The following MTUS2 variants were observed in gnomAD, a reference collection of about 807,000 sequenced individuals.
The protein encoded by MTUS2 is microtubule-associated tumor suppressor candidate 2.
In MTUS2, 40 loss-of-function variants were observed where a neutral mutation model predicts 114.1. The ratio of observed to expected loss-of-function variants is 0.35; its 90% confidence interval spans 0.27 to 0.46. The LOEUF (loss-of-function observed/expected upper bound fraction) is 0.46, where lower values mean the gene tolerates loss of function less well. MTUS2 is among the 20% of genes least tolerant of loss of function. The pLI, the probability that MTUS2 is intolerant of heterozygous loss-of-function variation, is 1.00. For synonymous variants in MTUS2, 688 were observed against 672.0 expected, an observed-to-expected ratio of 1.02 and a Z score of -0.37; for missense variants, 1,679 against 1,705.4, an observed-to-expected ratio of 0.98 and a Z score of 0.27.
At chr13:29,122,474 T>A (rs997604229) in intron 5 of MTUS2, among the ~76,000 whole-genome samples, 7 of 152,062 alleles carry the variant, frequency 4.6e-5, no homozygotes, top group African/African-American at 1.7e-4. Context: ...AACCATCAGA[T>A]CTCGTGAGAA....
At chr13:28,876,471 C>G (rs985823075) in intron 2 of MTUS2, among the ~76,000 whole-genome samples, 1 of 152,212 alleles carries the variant, frequency 6.6e-6, no homozygotes, top group African/African-American at 2.4e-5. Context: ...CTCTTCTCCA[C>G]ATCCCCAAGC....
intron 2 of MTUS2, among the ~76,000 whole-genome samples, chr13:28,845,120 G>C (rs541340499): frequency 1.3e-5 from 2 of 148,656 alleles, no homozygotes; most frequent in Non-Finnish European, 3.0e-5. Context: ...GGCCTGGCCA[G>C]TTTTTTTTTT....
chr13:29,488,834 G>A (rs146338289), intron 11 of MTUS2, among the ~76,000 whole-genome samples: 5 of 152,268 alleles, frequency 3.3e-5, no homozygotes, highest in African/African-American at 9.6e-5. Flanking sequence ...TGGGTTTTAC[G>A]TGGGTCATAA....
chr13:29,044,438 G>C (rs78599199), intron 4 of MTUS2, among the ~76,000 whole-genome samples: 1 of 152,082 alleles, frequency 6.6e-6, no homozygotes, highest in East Asian at 1.9e-4. Context: ...TTTTGTGCTT[G>C]AAGTTTGTTG....
At chr13:29,276,827 G>T (rs1898081240) in intron 5 of MTUS2, among the ~76,000 whole-genome samples, 1 of 152,146 alleles carries the variant, frequency 6.6e-6, no homozygotes, top group Non-Finnish European at 1.5e-5. Flanking sequence ...GAACTCAGGA[G>T]GCAGAGGTTG....
chr13:29,315,344 A>G (rs1899942444), intron 6 of MTUS2, among the ~76,000 whole-genome samples: 1 of 152,178 alleles, frequency 6.6e-6, no homozygotes, highest in Non-Finnish European at 1.5e-5. Flanking sequence ...CAAAGAAATG[A>G]TCTATGTGTG....
intron 8 of MTUS2, among the ~76,000 whole-genome samples, chr13:29,434,389 G>T (rs573035191): frequency 3.9e-5 from 6 of 152,294 alleles, no homozygotes; most frequent in African/African-American, 1.4e-4. Context: ...AGACAGCCTT[G>T]CCCTGCTGGG....
At chr13:29,052,840 G>A (rs938906242) in intron 4 of MTUS2, among the ~76,000 whole-genome samples, 5 of 152,120 alleles carry the variant, frequency 3.3e-5, no homozygotes, top group East Asian at 3.9e-4. Context: ...ATGTGTTGTG[G>A]GGAGGGACCA....
Position 29,423,903 on chromosome 13 carries a change from C to T in MTUS2, c.3118-16080C>T, listed in dbSNP as rs150223409. On this transcript the variant is annotated intron_variant, in intron 8 of 15. Coordinates refer to ENST00000612955, the MANE Select transcript of MTUS2 (RefSeq NM_001033602.4). ...TTCTGAGATGGAGTCTCACTTTTGT[C>T]GCCCAGGCTACAATGCAGTGACACG... Among the ~76,000 whole-genome samples the T allele has an allele frequency of 2.3e-3, 351 of 149,962 alleles. 2 individuals carry two copies. The highest frequency in any genetic ancestry group is 8.1e-3 in the African/African-American group (329 of 40,704).
At position 29,475,869 on chromosome 13, in the gene MTUS2, T is replaced by A. The variant is rs539265782; in HGVS notation, c.3185-4281T>A. ...TATCTTGAGCACAGAAAAATTTTTT[T>A]AAATAAATTTAGTGTAGCCTAAGTG... On this transcript the variant is annotated intron_variant, in intron 9 of 15. Transcript: ENST00000612955. Among the ~76,000 whole-genome samples, 17 of 152,310 alleles carry A rather than the reference T, an allele frequency of 1.1e-4. No homozygotes were observed. The East Asian group carries it at 1.7e-3, about 16-fold the overall frequency.
chr13:28,961,295 A>T (rs1229639171), intron 2 of MTUS2, among the ~76,000 whole-genome samples: 1 of 152,220 alleles, frequency 6.6e-6, no homozygotes, highest in Non-Finnish European at 1.5e-5. Context: ...GAGAATCTGG[A>T]ACAGGATAAA....
chr13:28,924,327 G>A (rs544681273), intron 2 of MTUS2, among the ~76,000 whole-genome samples: 2 of 152,234 alleles, frequency 1.3e-5, no homozygotes, highest in African/African-American at 4.8e-5. Flanking sequence ...AGTCTGTGCC[G>A]TTTTATTCAG....
At chr13:28,966,750 A>G (rs1048561785) in intron 2 of MTUS2, among the ~76,000 whole-genome samples, 1 of 135,664 alleles carries the variant, frequency 7.4e-6, no homozygotes, top group Non-Finnish European at 1.6e-5. Flanking sequence ...AAAAAAAAAC[A>G]AAGAACTGAT....
chr13:28,995,994 T>C (rs1040284667), intron 2 of MTUS2, among the ~76,000 whole-genome samples: 1 of 152,198 alleles, frequency 6.6e-6, no homozygotes, highest in East Asian at 1.9e-4. Context: ...AGGGAATGCT[T>C]CCAGTTTTTG....
chr13:29,405,885 C>T (rs1425599868), intron 8 of MTUS2, among the ~76,000 whole-genome samples: 9 of 151,822 alleles, frequency 5.9e-5, no homozygotes, highest in South Asian at 4.2e-4. Context: ...GGGTTACAGG[C>T]GCCTGCCACC....
intron 5 of MTUS2, among the ~76,000 whole-genome samples, chr13:29,115,474 T>C (rs1891050614): frequency 6.6e-6 from 1 of 152,252 alleles, no homozygotes; most frequent in Non-Finnish European, 1.5e-5. Flanking sequence ...CAGCCACATA[T>C]TCTGGAGTAA....
At chr13:29,106,545 T>TG (rs1343912883) in intron 5 of MTUS2, among the ~76,000 whole-genome samples, 22 of 152,242 alleles carry the variant, frequency 1.4e-4, no homozygotes, top group Middle Eastern at 6.8e-3. Context: ...TTTTAGTAGA[T>TG]GGGGTTTCAC....
chr13:28,929,336 A>C (rs184367604), intron 2 of MTUS2, among the ~76,000 whole-genome samples: 1 of 152,222 alleles, frequency 6.6e-6, no homozygotes, highest in African/African-American at 2.4e-5. Context: ...TTTCCAGCAT[A>C]AATAAAAGAC....
chr13:28,937,452 A>G (rs1378860618), intron 2 of MTUS2, among the ~76,000 whole-genome samples: 1 of 152,222 alleles, frequency 6.6e-6, no homozygotes, highest in South Asian at 2.1e-4. Flanking sequence ...CCCCTTCCAC[A>G]CTGTGGAAGC....
Sources: gnomAD v4.1 joint callset for allele counts (sites outside exome capture counted in the v4.1 genomes callset) on GRCh38, gnomAD v4.1.1 for gene constraint, MANE v1.5 for transcripts, NCBI Gene and HGNC (gene_info 2026-07-23, HGNC 2026-07-21) for gene names.